NPNT: variants seen among roughly 807,000 people sequenced by gnomAD.
NPNT encodes nephronectin.
NPNT carries 45 observed loss-of-function variants against 68.6 expected under a neutral mutation model. The observed-to-expected ratio is 0.66, with a 90% CI of 0.52 to 0.84. The LOEUF (loss-of-function observed/expected upper bound fraction) is 0.84. Among genes scored for constraint, NPNT ranks in the 40% least tolerant of loss-of-function variants. The probability of loss-of-function intolerance (pLI) is 0.00; values close to 1 mark genes in which losing one functional copy is unlikely to be tolerated. For synonymous variants in NPNT, 233 were observed against 253.3 expected (o/e 0.92, Z 0.76); for missense variants, 672 against 714.8 (o/e 0.94, Z 0.68).
Position 105,937,078 on chromosome 4 carries a change from A to G in NPNT, c.335A>G (p.Lys112Arg). The G allele has an allele frequency of 6.2e-7, 1 of 1,613,756 alleles. No homozygotes were observed. The highest frequency in any genetic ancestry group is 8.5e-7 in the Non-Finnish European group (1 of 1,179,704). Reference sequence around the variant, plus strand: ...TGCATGAACACTTACGGCAGCTACAAGTGCTACTGTCTCAACGGATATATG... The same window carrying G: ...TGCATGAACACTTACGGCAGCTACAGGTGCTACTGTCTCAACGGATATATG... ...HRCMNTYGSY[K>R]CYCLNGYMLM... Residue 112 changes from lysine to arginine, a missense_variant, in exon 4 of 12, where the codon AAG (lysine) becomes AGG (arginine). Physicochemically the swap from Lys to Arg is conservative, Grantham distance 26. Transcript: ENST00000379987.
Position 105,942,603 on chromosome 4 carries a change from C to A in NPNT, c.1060C>A (p.Leu354Met). 6.2e-7 allele frequency: 1 copy of A among 1,614,072 alleles called. No individual in the cohort carries two copies. Among genetic ancestry groups the A allele is most frequent in the Non-Finnish European group, 8.5e-7 (1 of 1,179,998 alleles). Residue 354 changes from leucine (L) to methionine (M), a missense_variant, in exon 8 of 12, where the codon CTG becomes ATG. Leu to Met is a conservative substitution (Grantham distance 15, BLOSUM62 2). Transcript: ENST00000379987. ...PTTPERPTTG[L>M]TTIAPAASTP... The stretch of plus-strand genomic sequence containing the variant: ...AACCCCAGAAAGGCCAACCACCGGA[C>A]TGACAACTATAGCACCAGCTGCCAG...
intron 2 of NPNT, among the ~76,000 whole-genome samples, chr4:105,909,289 G>A (rs551291057): frequency 1.3e-5 from 2 of 152,060 alleles, no homozygotes; most frequent in South Asian, 2.1e-4. Flanking sequence ...AGATAATGGT[G>A]GTTTCAGGGT....
chr4:105,909,122 A>G (rs1306293276), intron 2 of NPNT, among the ~76,000 whole-genome samples: 1 of 152,218 alleles, frequency 6.6e-6, no homozygotes, highest in Non-Finnish European at 1.5e-5. Flanking sequence ...AATTAATAGA[A>G]AAACAAAATC....
rs1048083416 is a variant in NPNT, at chr4:105,940,180, T to C, written c.611T>C (p.Met204Thr). The C allele has an allele frequency of 2.5e-6, 4 of 1,613,466 alleles. No homozygotes were observed. In the South Asian group the frequency reaches 3.3e-5, roughly 13 times the overall value. ...AAGTGTCATAAAGGCTTCGATCTCA[T>C]GTATATTGGAGGCAAATATCAATGT... is the stretch of plus-strand genomic sequence containing the variant. ...ICKCHKGFDL[M>T]YIGGKYQCHD... Residue 204 changes from methionine (M) to threonine (T), a missense_variant, in exon 6 of 12, where the codon ATG becomes ACG. By Grantham distance (81) the Met-to-Thr change is moderately conservative. Coordinates refer to ENST00000379987, the MANE Select transcript of NPNT (RefSeq NM_001033047.3).
intron 10 of NPNT, among the ~76,000 whole-genome samples, chr4:105,966,814 C>A (rs1436413522): frequency 1.3e-5 from 2 of 152,110 alleles, no homozygotes; most frequent in African/African-American, 4.8e-5. Context: ...ACCACCAAGC[C>A]AGATCGCCAG....
intron 2 of NPNT, among the ~76,000 whole-genome samples, chr4:105,899,611 G>A (rs1578566807): frequency 6.6e-6 from 1 of 152,214 alleles, no homozygotes; most frequent in Admixed American, 6.5e-5. Flanking sequence ...GCACATAGCA[G>A]TTAGGCAAAC....
chr4:105,948,364 G>A (rs1001872987), intron 8 of NPNT, among the ~76,000 whole-genome samples: 12 of 152,232 alleles, frequency 7.9e-5, no homozygotes, highest in African/African-American at 2.2e-4. Flanking sequence ...CATGACTTTG[G>A]ACTAGTATGA....
At chr4:105,927,256 T>C (rs1462002798) in intron 2 of NPNT, 80 bp from the exon 3 acceptor site, 1 of 842,144 alleles carries the variant, frequency 1.2e-6, no homozygotes, top group African/African-American at 1.7e-5. Flanking sequence ...CTTTTATTAT[T>C]AAACTAGTGC....
intron 8 of NPNT, among the ~76,000 whole-genome samples, chr4:105,957,334 C>T (rs977594881): frequency 1.3e-5 from 2 of 152,144 alleles, no homozygotes; most frequent in Admixed American, 1.3e-4. Context: ...TTGTCTACCC[C>T]GTTCACCCTG....
At chr4:105,915,844 ACCTT>A (rs1166341918) in intron 2 of NPNT, among the ~76,000 whole-genome samples, 1 of 152,158 alleles carries the variant, frequency 6.6e-6, no homozygotes, top group African/African-American at 2.4e-5. Flanking sequence ...TTCTACTCAA[ACCTT>A]CCTTCCTTTT....
chr4:105,944,312 A>G (rs567445567), intron 8 of NPNT, among the ~76,000 whole-genome samples: 3 of 152,212 alleles, frequency 2.0e-5, no homozygotes, highest in African/African-American at 7.2e-5. Context: ...TGATCATACA[A>G]TGGGATTTTT....
rs1046442678 is a variant in NPNT at position 105,912,276 on chromosome 4, T to A, written c.172+14275T>A. The A allele has an allele frequency of 5.6e-6, 8 of 1,431,616 alleles. No individual in the cohort carries two copies. The African/African-American group carries it at 1.1e-4, about 20-fold the overall frequency. The allele number at this position is 1,431,616 out of a possible 1,614,324, so 88.7% of individuals were successfully genotyped here. Reference sequence around the variant, plus strand: ...TATTTCTTGAAATAATTTTGGCTAATCTATGTCTTGAAAGGCATACCTTCT... The same window carrying A: ...TATTTCTTGAAATAATTTTGGCTAAACTATGTCTTGAAAGGCATACCTTCT... On this transcript the variant is annotated intron_variant, in intron 2 of 11. Coordinates refer to ENST00000379987, the MANE Select transcript of NPNT (RefSeq NM_001033047.3).
intron 10 of NPNT, among the ~76,000 whole-genome samples, chr4:105,961,699 C>T (rs28480231): frequency 0.094 from 14,329 of 152,036 alleles, 868 homozygotes; most frequent in African/African-American, 0.18. Flanking sequence ...GTTATTGGAC[C>T]GTGTTAGTAC....
chr4:105,925,541 A>G (rs1296869239), intron 2 of NPNT, among the ~76,000 whole-genome samples: 2 of 152,144 alleles, frequency 1.3e-5, no homozygotes, highest in African/African-American at 2.4e-5. Context: ...TAAAGGAAAC[A>G]ATGTTTGATA....
At chr4:105,926,241 T>C (rs1441921250) in intron 2 of NPNT, among the ~76,000 whole-genome samples, 1 of 152,232 alleles carries the variant, frequency 6.6e-6, no homozygotes, top group African/African-American at 2.4e-5. Flanking sequence ...TAAATAAATA[T>C]TGTTTTGAAT....
At chr4:105,959,885 C>G (rs1174505834) in intron 10 of NPNT, among the ~76,000 whole-genome samples, 1 of 150,554 alleles carries the variant, frequency 6.6e-6, no homozygotes, top group African/African-American at 2.4e-5. Context: ...TCTCGGCTCA[C>G]TGCAACCTCT....
At chr4:105,932,381 A>G (rs543955835) in intron 3 of NPNT, among the ~76,000 whole-genome samples, 1 of 152,310 alleles carries the variant, frequency 6.6e-6, no homozygotes, top group South Asian at 2.1e-4. Context: ...TTGTTCATTT[A>G]TAATGTGTGT....
chr4:105,958,605 T>C, intron 9 of NPNT, 48 bp downstream of exon 9: 1 of 1,071,486 alleles, frequency 9.3e-7, no homozygotes, highest in South Asian at 1.7e-5. Context: ...TTATTGTTTC[T>C]CTCCATGAAA....
intron 10 of NPNT, among the ~76,000 whole-genome samples, chr4:105,965,735 A>G (rs1332932334): frequency 6.6e-6 from 1 of 152,150 alleles, no homozygotes; most frequent in Non-Finnish European, 1.5e-5. Flanking sequence ...GAAGTGGGAG[A>G]AAGATTCTTA....
Sources: gnomAD v4.1 joint callset for allele counts (sites outside exome capture counted in the v4.1 genomes callset) on GRCh38, gnomAD v4.1.1 for gene constraint, MANE v1.5 for transcripts, NCBI Gene and HGNC (gene_info 2026-07-23, HGNC 2026-07-21) for gene names.